FBN1: variants seen among roughly 807,000 people sequenced by gnomAD.
FBN1 encodes fibrillin 1.
In FBN1, 29 loss-of-function variants were observed where a neutral mutation model predicts 365.1. The ratio of observed to expected loss-of-function variants is 0.08; its 90% CI spans 0.06 to 0.11. The LOEUF (loss-of-function observed/expected upper bound fraction) is 0.11, where lower values mean the gene tolerates loss of function less well. Ranked by LOEUF, FBN1 falls within the 10% of genes least tolerant of loss-of-function variation. FBN1 has a pLI of 1.00. For missense variants in FBN1, 2,476 were observed against 3,703.2 expected (o/e 0.67, Z 8.60); for synonymous variants, 1,210 against 1,270.5 (o/e 0.95, Z 1.01).
At chr15:48,597,680 CT>C (rs1187631216) in intron 5 of FBN1, among the ~76,000 whole-genome samples, 2 of 152,206 alleles carry the variant, frequency 1.3e-5, no homozygotes, top group Non-Finnish European at 2.9e-5. Flanking sequence ...TGACACAACC[CT>C]TTTTAACCAA....
intron 2 of FBN1, among the ~76,000 whole-genome samples, chr15:48,629,212 C>T (rs1291401521): frequency 6.6e-6 from 1 of 152,164 alleles, no homozygotes; most frequent in Non-Finnish European, 1.5e-5. Context: ...AAATAGTGTG[C>T]TTAGTGACAT....
intron 32 of FBN1, among the ~76,000 whole-genome samples, chr15:48,477,834 C>T (rs765987093): frequency 1.2e-4 from 19 of 152,184 alleles, no homozygotes; most frequent in Non-Finnish European, 2.4e-4. Context: ...ACACCGCAAC[C>T]TTCTTAACCC....
chr15:48,493,554 G>C (rs1327575267), intron 23 of FBN1, among the ~76,000 whole-genome samples: 2 of 152,228 alleles, frequency 1.3e-5, no homozygotes, highest in African/African-American at 2.4e-5. Flanking sequence ...GTCTGGACCA[G>C]AGAAAGGCCA....
intron 4 of FBN1, among the ~76,000 whole-genome samples, chr15:48,601,247 C>T (rs906713350): frequency 5.3e-5 from 8 of 152,210 alleles, no homozygotes; most frequent in African/African-American, 1.7e-4. Context: ...ATGACAACAG[C>T]GCAGGCAAGT....
At chr15:48,586,191 T>C (rs2044433922) in intron 6 of FBN1, among the ~76,000 whole-genome samples, 1 of 152,146 alleles carries the variant, frequency 6.6e-6, no homozygotes, top group African/African-American at 2.4e-5. Context: ...GGAATAAAAA[T>C]GCTAAAATGT....
At chr15:48,460,381 G>GA (rs749357145) in intron 42 of FBN1, 64 bp from the exon 43 acceptor site, 3 of 987,520 alleles carry the variant, frequency 3.0e-6, no homozygotes, top group East Asian at 2.4e-5. Flanking sequence ...TAATTGGACT[G>GA]AAAAAAATTA....
intron 25 of FBN1, among the ~76,000 whole-genome samples, chr15:48,488,777 C>T (rs1566909992): frequency 6.6e-6 from 1 of 152,150 alleles, no homozygotes; most frequent in Non-Finnish European, 1.5e-5. Flanking sequence ...GAATATTTAA[C>T]CACTACTTGC....
intron 6 of FBN1, among the ~76,000 whole-genome samples, chr15:48,586,952 G>A (rs1005116586): frequency 6.6e-6 from 1 of 152,206 alleles, no homozygotes; most frequent in African/African-American, 2.4e-5. Flanking sequence ...TCATGGGCTT[G>A]GAGATGTGAG....
intron 5 of FBN1, among the ~76,000 whole-genome samples, chr15:48,597,209 C>T (rs2140713273): frequency 6.6e-6 from 1 of 152,288 alleles, no homozygotes; most frequent in Middle Eastern, 3.4e-3. Flanking sequence ...CCATACATTA[C>T]CCTATAGCAG....
chr15:48,483,008 T>C (rs956862284), intron 31 of FBN1, among the ~76,000 whole-genome samples: 3 of 152,218 alleles, frequency 2.0e-5, no homozygotes, highest in African/African-American at 7.2e-5. Flanking sequence ...TAATTTACAC[T>C]TCAGAACAAA....
At chr15:48,563,407 T>C (rs749446834) in intron 6 of FBN1, among the ~76,000 whole-genome samples, 5 of 152,146 alleles carry the variant, frequency 3.3e-5, no homozygotes, top group Admixed American at 1.3e-4. Context: ...GTAAATCAGC[T>C]GTCCTGCAGG....
At position 48,412,045 on chromosome 15, in the gene FBN1, C is replaced by T. The variant is rs74901063; in HGVS notation, c.8226+524G>A. 1.6e-3 allele frequency among the ~76,000 whole-genome samples: 243 copies of T among 152,346 alleles called. 7 individuals carry two copies. The East Asian group carries it at 0.036, about 23-fold the overall frequency. On this transcript the variant is annotated intron_variant, in intron 65 of 65. Coordinates refer to ENST00000316623, the MANE Select transcript of FBN1 (RefSeq NM_000138.5). ...GTGCTGGATTCTATGGGCCCAGAGC[C>T]AGAGGTCTGGGTGAATATCTGTGCA...
intron 10 of FBN1, among the ~76,000 whole-genome samples, chr15:48,517,851 T>C (rs539321205): frequency 6.6e-6 from 1 of 152,344 alleles, no homozygotes; most frequent in East Asian, 1.9e-4. Context: ...GACTAATATT[T>C]TTCTTTTCCT....
intron 42 of FBN1, among the ~76,000 whole-genome samples, chr15:48,461,137 C>T (rs2043277964): frequency 6.6e-6 from 1 of 152,116 alleles, no homozygotes. Flanking sequence ...GTTTTGTCTC[C>T]TTAATCTATG....
chr15:48,626,003 T>C (rs374720284), intron 2 of FBN1, among the ~76,000 whole-genome samples: 28 of 152,254 alleles, frequency 1.8e-4, no homozygotes, highest in African/African-American at 6.5e-4. Flanking sequence ...GAGTAGTGAG[T>C]ATTTAATTTA....
At chr15:48,597,858 C>T (rs16961226) in intron 5 of FBN1, among the ~76,000 whole-genome samples, 2,154 of 152,296 alleles carry the variant, frequency 0.014, 48 homozygotes, top group African/African-American at 0.05. Flanking sequence ...GATGAGGAAG[C>T]TGAAGTTTAG....
intron 27 of FBN1, 127 bp downstream of exon 27, chr15:48,487,986 G>T: frequency 1.6e-6 from 2 of 1,247,830 alleles, no homozygotes; most frequent in Non-Finnish European, 1.2e-6. Flanking sequence ...TCCCTCTGTT[G>T]CAGACTGATT....
intron 5 of FBN1, among the ~76,000 whole-genome samples, chr15:48,598,725 G>A (rs529525929): frequency 1.1e-4 from 16 of 152,214 alleles, no homozygotes; most frequent in South Asian, 2.1e-4. Flanking sequence ...CCCACACTGC[G>A]GAGGCTGCCT....
intron 6 of FBN1, among the ~76,000 whole-genome samples, chr15:48,558,532 A>G (rs1357134653): frequency 6.6e-6 from 1 of 152,210 alleles, no homozygotes; most frequent in Non-Finnish European, 1.5e-5. Context: ...GTTTTGGCAC[A>G]CTAACAACTA....
Sources: allele counts gnomAD v4.1 joint callset (sites outside exome capture counted in the v4.1 genomes callset), GRCh38; gene constraint gnomAD v4.1.1; transcripts MANE v1.5; gene names NCBI Gene and HGNC (gene_info 2026-07-23, HGNC 2026-07-21).